CRPPA: variants seen among roughly 807,000 people sequenced by gnomAD.
CRPPA encodes the protein D-ribitol-5-phosphate cytidylyltransferase.
In CRPPA, 43 loss-of-function variants were observed where a neutral mutation model predicts 52.0. That is an observed-to-expected ratio of 0.83 (90% CI 0.65 to 1.07). The LOEUF (loss-of-function observed/expected upper bound fraction) is 1.07. Ranked by LOEUF, CRPPA falls within the 50% of genes least tolerant of loss-of-function variation. CRPPA has a pLI of 0.00. For synonymous variants in CRPPA, 250 were observed against 203.5 expected, an observed-to-expected ratio of 1.23 and a Z score of -1.94; for missense variants, 629 against 551.7, an observed-to-expected ratio of 1.14 and a Z score of -1.40.
intron 9 of CRPPA, among the ~76,000 whole-genome samples, chr7:16,139,035 C>T (rs1782815128): frequency 6.6e-6 from 1 of 152,164 alleles, no homozygotes; most frequent in Non-Finnish European, 1.5e-5. Flanking sequence ...CTCCTGACCT[C>T]AAGTGATCCA....
At chr7:16,127,185 G>A (rs889926786) in intron 9 of CRPPA, among the ~76,000 whole-genome samples, 2 of 152,128 alleles carry the variant, frequency 1.3e-5, no homozygotes, top group South Asian at 4.1e-4. Context: ...AAAGCATTTT[G>A]CATTATTCAA....
At position 16,171,724 on chromosome 7, in the gene CRPPA, C is replaced by T. The variant is rs139930393; in HGVS notation, c.1251+44342G>A. Among the ~76,000 whole-genome samples the T allele has an allele frequency of 7.2e-3, 1,093 of 152,240 alleles. 13 individuals carry two copies. The highest frequency in any genetic ancestry group is 0.025 in the African/African-American group (1,040 of 41,540). On this transcript the variant is annotated intron_variant, in intron 9 of 9. Transcript: ENST00000407010. ...AGGAGAACTGCGTGAACCCAGGAGG[C>T]GGAGCTTGCAGTGAGCCGAGACTGT...
At chr7:16,359,453 AT>A (rs1203342843) in intron 3 of CRPPA, among the ~76,000 whole-genome samples, 1 of 152,210 alleles carries the variant, frequency 6.6e-6, no homozygotes, top group Non-Finnish European at 1.5e-5. Flanking sequence ...ACTGGTGTGC[AT>A]AGCTCTTGCT....
In CRPPA at chr7:16,217,941, C is replaced by T. The variant is rs1005591239; in HGVS notation, c.1120-1744G>A. Among the ~76,000 whole-genome samples the T allele has an allele frequency of 2.1e-4, 31 of 150,670 alleles. No homozygotes were observed. In the South Asian group the frequency reaches 2.1e-3, roughly 10 times the overall value. ...GTTCAGATTCAGGAAATACAGAGAA[C>T]GCCACAAAGATACTCCTCGAGAAGA... On this transcript the variant is annotated intron_variant, in intron 8 of 9. Transcript: ENST00000407010.
At chr7:16,420,410 C>T (rs1788297361) in intron 1 of CRPPA, among the ~76,000 whole-genome samples, 1 of 152,172 alleles carries the variant, frequency 6.6e-6, no homozygotes, top group South Asian at 2.1e-4. Flanking sequence ...TTCCTCAGCT[C>T]CTCACGACTG....
chr7:16,227,342 C>T (rs1583447419), intron 8 of CRPPA, among the ~76,000 whole-genome samples: 1 of 151,966 alleles, frequency 6.6e-6, no homozygotes, highest in Admixed American at 6.6e-5. Flanking sequence ...TGGTAATTCA[C>T]ATTCCCACTA....
intron 6 of CRPPA, among the ~76,000 whole-genome samples, chr7:16,271,166 T>C (rs550357108): frequency 5.6e-4 from 86 of 152,220 alleles, no homozygotes; most frequent in African/African-American, 2.0e-3. Flanking sequence ...CCAAAATACA[T>C]GAAAAGCCCC....
In CRPPA at chr7:16,185,813, A is replaced by G. The variant is rs543336568; in HGVS notation, c.1251+30253T>C. Among the ~76,000 whole-genome samples the G allele has an allele frequency of 3.9e-5, 6 of 152,338 alleles. No individual in the cohort carries two copies. In the East Asian group the frequency reaches 5.8e-4, roughly 15 times the overall value. On this transcript the variant is annotated intron_variant, in intron 9 of 9. Coordinates refer to ENST00000407010, the MANE Select transcript of CRPPA (RefSeq NM_001101426.4). ...ACTGATTGGAAAAGTGAACAAGGGA[A>G]AAAAGTGGCAGTCAAATAGTGACTT...
In CRPPA at chr7:16,389,083, T is replaced by A. The variant is rs150679806; in HGVS notation, c.535-12842A>T. Among the ~76,000 whole-genome samples the A allele has an allele frequency of 3.0e-3, 454 of 152,228 alleles. 2 individuals are homozygous for A. The highest frequency in any genetic ancestry group is 9.9e-3 in the African/African-American group (411 of 41,560). On this transcript the variant is annotated intron_variant, in intron 2 of 9. Transcript: ENST00000407010. The stretch of plus-strand genomic sequence containing the variant: ...TTAACTTGATAACAGAAAGTCTGAA[T>A]AGACCTATAAAAAGGGAATTGAATT...
Position 16,137,056 on chromosome 7 carries a change from C to T in CRPPA, c.1252-45257G>A, listed in dbSNP as rs550227014. 4.6e-5 allele frequency among the ~76,000 whole-genome samples: 7 copies of T among 152,356 alleles called. 1 individual carries two copies. The South Asian group carries it at 1.2e-3, about 27-fold the overall frequency. ...TCAACCTTTTTGATGTGGTTAACCA[C>T]GAGCTATGGGCTCAATATTTGTGTT... On this transcript the variant is annotated intron_variant, in intron 9 of 9. Transcript: ENST00000407010.
chr7:16,287,425 G>T (rs1479947341), intron 5 of CRPPA, among the ~76,000 whole-genome samples: 1 of 152,104 alleles, frequency 6.6e-6, no homozygotes, highest in African/African-American at 2.4e-5. Flanking sequence ...AGATATTCAA[G>T]ACTTATTTTC....
At chr7:16,331,403 T>C (rs1026604950) in intron 3 of CRPPA, among the ~76,000 whole-genome samples, 1 of 152,160 alleles carries the variant, frequency 6.6e-6, no homozygotes, top group Non-Finnish European at 1.5e-5. Context: ...ACTAAGGGTA[T>C]ATTTACTGCA....
chr7:16,126,348 T>C lies in CRPPA; in HGVS notation c.1252-34549A>G, dbSNP rs1259104356. Among the ~76,000 whole-genome samples, 8 of 152,126 alleles carry C rather than the reference T, an allele frequency of 5.3e-5. No homozygotes were observed. The East Asian group carries it at 1.5e-3, about 29-fold the overall frequency. On this transcript the variant is annotated intron_variant, in intron 9 of 9. Coordinates refer to ENST00000407010, the MANE Select transcript of CRPPA (RefSeq NM_001101426.4). ...CCTAGAAGGAAAAAGGATTCCCATA[T>C]AAAGGAAACAAACTATCAGGATGCA...
chr7:16,327,918 A>G (rs1486189571), intron 3 of CRPPA, among the ~76,000 whole-genome samples: 1 of 152,178 alleles, frequency 6.6e-6, no homozygotes, highest in Non-Finnish European at 1.5e-5. Flanking sequence ...ACTTGCTACA[A>G]AAAGCTAGAA....
chr7:16,276,792 A>C (rs1784211914), intron 6 of CRPPA: 1 of 152,238 alleles, frequency 6.6e-6, no homozygotes, highest in Non-Finnish European at 1.5e-5. Context: ...TGAATGTAAG[A>C]ATATATACAG....
At chr7:16,325,002 T>C (rs1025534489) in intron 3 of CRPPA, among the ~76,000 whole-genome samples, 4 of 152,198 alleles carry the variant, frequency 2.6e-5, no homozygotes, top group Non-Finnish European at 1.5e-5. Context: ...GCCACTCACC[T>C]CCACTTCTGC....
chr7:16,331,867 T>C (rs1168701208), intron 3 of CRPPA, among the ~76,000 whole-genome samples: 4 of 152,114 alleles, frequency 2.6e-5, no homozygotes, highest in Non-Finnish European at 1.5e-5. Context: ...AGGTGTAACA[T>C]ACAAGTATAA....
chr7:16,262,099 A>G (rs1481117148), intron 6 of CRPPA: 2 of 152,134 alleles, frequency 1.3e-5, no homozygotes, highest in African/African-American at 4.8e-5. Flanking sequence ...CAACCACAGT[A>G]AGTTTTATTA....
At chr7:16,157,105 G>C (rs1426482691) in intron 9 of CRPPA, among the ~76,000 whole-genome samples, 1 of 151,976 alleles carries the variant, frequency 6.6e-6, no homozygotes, top group African/African-American at 2.4e-5. Context: ...GTAAGTTGCA[G>C]GAAGTTTTTC....
Sources: allele counts gnomAD v4.1 joint callset (sites outside exome capture counted in the v4.1 genomes callset), GRCh38; gene constraint gnomAD v4.1.1; transcripts MANE v1.5; gene names NCBI Gene and HGNC (gene_info 2026-07-23, HGNC 2026-07-21).